Variants in CRAT observed in about 807,000 individuals in gnomAD.
CRAT encodes the protein carnitine acetylase.
CRAT carries 66 observed loss-of-function variants against 73.7 expected under a neutral mutation model. That is an observed-to-expected ratio of 0.90 (90% CI 0.73 to 1.10). The LOEUF (loss-of-function observed/expected upper bound fraction) is 1.10. Among genes scored for constraint, CRAT ranks in the 50% least tolerant of loss-of-function variants. CRAT has a pLI of 0.00. For synonymous variants in CRAT, 321 were observed against 343.2 expected, an observed-to-expected ratio of 0.94 and a Z score of 0.71; for missense variants, 745 against 846.9, an observed-to-expected ratio of 0.88 and a Z score of 1.49.
intron 1 of CRAT, chr9:129,109,131 A>C: frequency 1.5e-6 from 2 of 1,303,806 alleles, no homozygotes; most frequent in Non-Finnish European, 1.0e-6. Flanking sequence ...TCTTCTCTGC[A>C]TGGGCTCAGT....
chr9:129,097,707 T>TTA lies in CRAT; in HGVS notation c.1464+305_1464+306insTA, dbSNP rs536516387. 66 of 316,608 alleles carry TTA rather than the reference T, an allele frequency of 2.1e-4. 1 individual carries two copies. The East Asian group carries it at 3.9e-3, about 19-fold the overall frequency. The allele number at this position is 316,608 out of a possible 1,614,324, so 19.6% of individuals were successfully genotyped here. On this transcript the variant is annotated intron_variant, in intron 11 of 13. Transcript: ENST00000318080. ...CTGGGCAACAGAGTGAGACTCTTTC[T>TTA]AAAAAAAAACAAGAAAAAAAAAGAG...
rs1564155100 is a variant in CRAT at position 129,095,587 on chromosome 9, A to G, written c.1691T>C (p.Met564Thr). The change falls in exon 14 of 14, where the codon ATG (methionine) becomes ACG (threonine). Residue 564 changes from methionine (M) to threonine (T), a missense_variant. Transcript: ENST00000318080. The part of the protein sequence containing the change: ...SQVPAKTDCV[M>T]FFGPVVPDGY... ...GTCGGGGACCACGGGCCCGAAGAAC[A>G]TGACACAGTCTGTCTTGGCAGGGAC... is the stretch of plus-strand genomic sequence containing the variant. 2 of 1,613,050 alleles carry G rather than the reference A, an allele frequency of 1.2e-6. No homozygotes were observed. Among genetic ancestry groups the G allele is most frequent in the East Asian group, 2.2e-5 (1 of 44,890 alleles).
chr9:129,106,456 C>T lies in CRAT; in HGVS notation c.291+1358G>A, dbSNP rs900940424. ...AGAGGAGACCCCGCAGGTATGGGTA[C>T]TCCCCCAGCGAGAATCTGCCAGGTG... On this transcript the variant is annotated intron_variant, in intron 2 of 13. Transcript: ENST00000318080. The surrounding 1 kb of genome is among the most constrained non-coding windows in gnomAD (Gnocchi z 4.0). 6.6e-6 allele frequency among the ~76,000 whole-genome samples: 1 copy of T among 152,134 alleles called. No homozygotes were observed. The highest frequency in any genetic ancestry group is 6.6e-5 in the Admixed American group (1 of 15,262).
intron 4 of CRAT, 22 bp downstream of exon 4, chr9:129,102,991 G>A: frequency 6.2e-7 from 1 of 1,609,124 alleles, no homozygotes. Flanking sequence ...GTGTGGGGCT[G>A]GGCAGGGGTG....
At chr9:129,098,769 G>T in intron 8 of CRAT, 119 bp from the exon 9 acceptor site, 2 of 1,249,850 alleles carry the variant, frequency 1.6e-6, no homozygotes, top group Non-Finnish European at 2.1e-6. Context: ...AGGGAGGTGT[G>T]AGTTTGTTCT....
intron 9 of CRAT, 33 bp from the exon 10 acceptor site, chr9:129,098,404 GC>G: frequency 6.2e-7 from 1 of 1,609,572 alleles, no homozygotes. Flanking sequence ...TGAGGAGCAG[GC>G]CCCGGCAGCC....
At chr9:129,099,434 T>A (rs1254688819) in intron 8 of CRAT, among the ~76,000 whole-genome samples, 3 of 146,846 alleles carry the variant, frequency 2.0e-5, no homozygotes, top group Non-Finnish European at 4.5e-5. Flanking sequence ...TAATTTTTTT[T>A]TTTTTTTTTT....
Position 129,107,585 on chromosome 9 carries a change from A to G in CRAT, c.291+229T>C. ...TCCTGGAACATGAAACCTTGTCCAC[A>G]ACCTGTATCCTGTTCATTACCTTTC... On this transcript the variant is annotated intron_variant, in intron 2 of 13. Coordinates refer to ENST00000318080, the MANE Select transcript of CRAT (RefSeq NM_000755.5). This position sits in a 1 kb window ranked among gnomAD's most constrained non-coding sequence, Gnocchi z 5.0. The G allele has an allele frequency of 2.8e-6, 2 of 713,222 alleles. No individual in the cohort carries two copies. Among genetic ancestry groups the G allele is most frequent in the Non-Finnish European group, 5.1e-6 (2 of 390,586 alleles). The allele number at this position is 713,222 out of a possible 1,614,324, so 44.2% of individuals were successfully genotyped here. A position where few individuals can be genotyped will look rare whatever the true frequency, so the allele number is the denominator to read the frequency against.
rs140581757 is a variant in CRAT, at chr9:129,102,260, A to G, written c.630+140T>C. ...CCCTCCTGGCCTCCCTGGGCCCCCA[A>G]TGGAGAAGCCAGGGGCGCCCATTCC... is the stretch of plus-strand genomic sequence containing the variant. On this transcript the variant is annotated intron_variant, in intron 5 of 13. Coordinates refer to ENST00000318080, the MANE Select transcript of CRAT (RefSeq NM_000755.5). 6.3e-4 allele frequency: 826 copies of G among 1,318,426 alleles called. 6 individuals are homozygous for G. In the African/African-American group the frequency reaches 9.4e-3, roughly 15 times the overall value. 81.7% of individuals were successfully genotyped at this position (1,318,426 alleles called of 1,614,324 possible).
chr9:129,096,169 C>CT, intron 12 of CRAT, 34 bp from the exon 13 acceptor site: 1 of 1,609,694 alleles, frequency 6.2e-7, no homozygotes, highest in East Asian at 2.2e-5. Context: ...GGAGCAGGGG[C>CT]TGTGGACCCC....
Position 129,097,295 on chromosome 9 carries a change from C to T in CRAT, c.1482G>A (p.Glu494=). The T allele has an allele frequency of 6.4e-7, 1 of 1,566,000 alleles. No homozygotes were observed. The highest frequency in any genetic ancestry group is 1.2e-5 in the South Asian group (1 of 84,700). Residue 494 remains glutamate (E), a synonymous_variant, in exon 12 of 14, where the codon GAG becomes GAA. Transcript: ENST00000318080. ...DSSVTEHQKV[E]LLRKAVQAHR... is the part of the protein sequence containing the mutation. The stretch of plus-strand genomic sequence containing the variant: ...GGGCCTGCACGGCCTTCCGCAGCAG[C>T]TCCACCTTCTGGTGCTCCTAGAGTG...
Position 129,110,016 on chromosome 9 carries a change from C to G in CRAT, c.27+467G>C, listed in dbSNP as rs999563264. On this transcript the variant is annotated intron_variant, in intron 1 of 13. Coordinates refer to ENST00000318080, the MANE Select transcript of CRAT (RefSeq NM_000755.5). The surrounding 1 kb of genome is among the most constrained non-coding windows in gnomAD (Gnocchi z 5.3). ...CTGAGGCCTTTCTAGCTTGATGCCT[C>G]CGCGTGTTTCTCTGGCCACACACAA... 6.6e-6 allele frequency among the ~76,000 whole-genome samples: 1 copy of G among 152,124 alleles called. No individual in the cohort carries two copies. The highest frequency in any genetic ancestry group is 1.5e-5 in the Non-Finnish European group (1 of 68,010).
chr9:129,100,565 A>G lies in CRAT; in HGVS notation c.930T>C (p.His310=), dbSNP rs1290883270. ...CGCTGTTGAGCCTGCTGCCGCCCCC[A>G]TGCAGCATCTGGCCTGCCACGTGGC... The part of the protein sequence containing the change: ...YRSHVAGQML[H]GGGSRLNSGN... Residue 310 remains histidine (H), a synonymous_variant, in exon 7 of 14, where the codon CAT becomes CAC. Coordinates refer to ENST00000318080, the MANE Select transcript of CRAT (RefSeq NM_000755.5). 1 of 1,613,864 alleles carries G rather than the reference A, an allele frequency of 6.2e-7. No individual in the cohort carries two copies. Among genetic ancestry groups the G allele is most frequent in the Non-Finnish European group, 8.5e-7 (1 of 1,179,978 alleles).
rs777455584 is a variant in CRAT at position 129,103,108 on chromosome 9, T to C, written c.411-42A>G. 1.3e-6 allele frequency: 2 copies of C among 1,574,396 alleles called. No individual in the cohort carries two copies. The highest frequency in any genetic ancestry group is 2.2e-5 in the East Asian group (1 of 44,634). ...GAGATTAGAAGCTGCGTGGACACCC[T>C]GAGGGAGGCCCCGGGCTAGGGACAC... On this transcript the variant is annotated intron_variant, in intron 3 of 13. Transcript: ENST00000318080. This position sits in a 1 kb window ranked among gnomAD's most constrained non-coding sequence, Gnocchi z 4.6.
In CRAT at chr9:129,110,436, C is replaced by T; in HGVS notation, c.27+47G>A. ...CGTTCCCGGACGCAACCGCACGGCC[C>T]GCCCAGGCCGTCCAGGGCCCTCAGG... On this transcript the variant is annotated intron_variant, in intron 1 of 13. Coordinates refer to ENST00000318080, the MANE Select transcript of CRAT (RefSeq NM_000755.5). The surrounding 1 kb of genome is among the most constrained non-coding windows in gnomAD (Gnocchi z 5.3). The T allele has an allele frequency of 1.3e-6, 2 of 1,523,938 alleles. No homozygotes were observed. Among genetic ancestry groups the T allele is most frequent in the Middle Eastern group, 2.0e-4 (1 of 5,038 alleles). The allele number at this position is 1,523,938 out of a possible 1,614,324, so 94.4% of individuals were successfully genotyped here. A position where few individuals can be genotyped will look rare whatever the true frequency, so the allele number is the denominator to read the frequency against.
At chr9:129,101,845 C>G (rs1166913592) in intron 6 of CRAT, 38 bp downstream of exon 6, 2 of 1,602,170 alleles carry the variant, frequency 1.2e-6, no homozygotes, top group South Asian at 1.1e-5. Flanking sequence ...GGGGAAGAGG[C>G]CTGGGTGTGC....
Position 129,101,990 on chromosome 9 carries a change from A to G in CRAT, c.698T>C (p.Leu233Pro). 1 of 1,614,204 alleles carries G rather than the reference A, an allele frequency of 6.2e-7. No individual in the cohort carries two copies. The highest frequency in any genetic ancestry group is 8.5e-7 in the Non-Finnish European group (1 of 1,180,020). ...TAGGGATGAGTTCCAGATCTTCTCC[A>G]GCTGCACAAAGATCTGATCCGCAGT... ...PLTADQIFVQ[L>P]EKIWNSSLQT... Residue 233 changes from leucine (L) to proline (P), a missense_variant, in exon 6 of 14, where the codon CTG becomes CCG. By Grantham distance (98) the Leu-to-Pro change is moderately conservative. Transcript: ENST00000318080.
chr9:129,108,292 G>A, intron 1 of CRAT: 1 of 1,050,486 alleles, frequency 9.5e-7, no homozygotes. Context: ...GTGGGGTGTG[G>A]CCATGGTTCT....
chr9:129,102,195 G>C, intron 5 of CRAT, 138 bp from the exon 6 acceptor site: 1 of 1,187,014 alleles, frequency 8.4e-7, no homozygotes, highest in Non-Finnish European at 1.2e-6. Flanking sequence ...AGGGGGAGGA[G>C]GTCCTTGGAT....
Sources: allele counts gnomAD v4.1 joint callset (sites outside exome capture counted in the v4.1 genomes callset), GRCh38; gene constraint gnomAD v4.1.1; non-coding constraint Gnocchi (gnomAD v3.1); transcripts MANE v1.5; gene names NCBI Gene and HGNC (gene_info 2026-07-23, HGNC 2026-07-21).